Variants in UGT1A8 observed in about 807,000 individuals in gnomAD.
UGT1A8 encodes UDP glucuronosyltransferase family 1 member A8, also known as UDP-glucuronosyltransferase 1A8.
UGT1A8 carries 39 observed loss-of-function variants against 45.3 expected under a neutral mutation model. The observed-to-expected ratio is 0.86, with a 90% CI of 0.67 to 1.12. The LOEUF (loss-of-function observed/expected upper bound fraction) is 1.12. Among genes scored for constraint, UGT1A8 ranks in the 50% most tolerant of loss-of-function variants. The probability of loss-of-function intolerance (pLI) is 0.00; values close to 1 mark genes in which losing one functional copy is unlikely to be tolerated. For synonymous variants in UGT1A8, 275 were observed against 249.2 expected (o/e 1.10, Z -0.97); for missense variants, 719 against 664.9 (o/e 1.08, Z -0.90).
intron 1 of UGT1A8, among the ~76,000 whole-genome samples, chr2:233,623,723 C>T (rs977700652): frequency 6.6e-6 from 1 of 152,044 alleles, no homozygotes; most frequent in Non-Finnish European, 1.5e-5. Context: ...ATGGAGAATT[C>T]AGAAATAAAC....
At chr2:233,712,503 G>T (rs2076237621) in intron 1 of UGT1A8, among the ~76,000 whole-genome samples, 1 of 152,214 alleles carries the variant, frequency 6.6e-6, no homozygotes, top group Non-Finnish European at 1.5e-5. Flanking sequence ...TAGCAATGTT[G>T]TCTGCATTTT....
chr2:233,693,905 C>T, intron 1 of UGT1A8: 1 of 1,613,116 alleles, frequency 6.2e-7, no homozygotes, highest in Non-Finnish European at 8.5e-7. Context: ...TTGTTTCTTC[C>T]AGGCTCTGTC....
chr2:233,751,532 C>A (rs1375355946), intron 1 of UGT1A8, among the ~76,000 whole-genome samples: 5 of 152,214 alleles, frequency 3.3e-5, no homozygotes, highest in Admixed American at 6.5e-5. Context: ...TATGGTTTGA[C>A]TCTGTGTTTC....
rs776721160 is a variant in UGT1A8 at position 233,692,987 on chromosome 2, A to G, written c.856-74047A>G. The G allele has an allele frequency of 2.5e-6, 4 of 1,613,680 alleles. No individual in the cohort carries two copies. The Admixed American group carries it at 6.7e-5, about 27-fold the overall frequency. ...GTGAAAACTCTTTATTACCGTTGTT[A>G]CTTTAACTCTTTCCAGGATGGCCTG... On this transcript the variant is annotated intron_variant, in intron 1 of 4. Coordinates refer to ENST00000373450, the MANE Select transcript of UGT1A8 (RefSeq NM_019076.5).
At chr2:233,647,517 C>T (rs1290722576) in intron 1 of UGT1A8, among the ~76,000 whole-genome samples, 1 of 152,036 alleles carries the variant, frequency 6.6e-6, no homozygotes, top group East Asian at 1.9e-4. Context: ...AGAACTTTAC[C>T]GTTTTGTTTG....
intron 1 of UGT1A8, chr2:233,754,561 A>G (rs1695515427): frequency 2.5e-6 from 1 of 393,304 alleles, no homozygotes; most frequent in Non-Finnish European, 5.1e-6. Context: ...GTCAATGGGG[A>G]GCAACTGCTC....
chr2:233,757,162 G>C (rs1696424537), intron 1 of UGT1A8, among the ~76,000 whole-genome samples: 1 of 151,472 alleles, frequency 6.6e-6, no homozygotes, highest in African/African-American at 2.4e-5. Context: ...GTCTATCCCA[G>C]AGTTTTGAGA....
At chr2:233,725,167 G>A (rs112233788) in intron 1 of UGT1A8, among the ~76,000 whole-genome samples, 4,177 of 75,252 alleles carry the variant, frequency 0.056, 411 homozygotes, top group African/African-American at 0.13. Flanking sequence ...TGCATGAGAG[G>A]GAGACCGTGG....
chr2:233,672,573 C>T lies in UGT1A8; in HGVS notation c.855+54011C>T, dbSNP rs777793940. ...AGAGAGTACGGAACCACATCATGCA[C>T]TTGGAGGAACATTTATTATGCCACC... On this transcript the variant is annotated intron_variant, in intron 1 of 4. Coordinates refer to ENST00000373450, the MANE Select transcript of UGT1A8 (RefSeq NM_019076.5). 5.6e-6 allele frequency: 9 copies of T among 1,613,944 alleles called. No individual in the cohort carries two copies. In the South Asian group the frequency reaches 9.9e-5, roughly 18 times the overall value.
chr2:233,693,154 T>A (rs774068638), intron 1 of UGT1A8: 1 of 1,614,252 alleles, frequency 6.2e-7, no homozygotes, highest in Non-Finnish European at 8.5e-7. Context: ...AGGTTCTCAG[T>A]GACCGGGGTC....
At chr2:233,697,307 A>T (rs116017850) in intron 1 of UGT1A8, among the ~76,000 whole-genome samples, 1,596 of 152,184 alleles carry the variant, frequency 0.01, 34 homozygotes, top group African/African-American at 0.036. Flanking sequence ...CAATCTTGGT[A>T]GATTGTTTGT....
intron 1 of UGT1A8, among the ~76,000 whole-genome samples, chr2:233,676,125 C>A (rs775805824): frequency 3.9e-5 from 6 of 152,174 alleles, no homozygotes; most frequent in South Asian, 2.1e-4. Flanking sequence ...AAGACCCACC[C>A]TGGGGTCCTT....
chr2:233,755,134 ATCT>A (rs1231510836), intron 1 of UGT1A8: 15 of 1,316,668 alleles, frequency 1.1e-5, no homozygotes, highest in Non-Finnish European at 1.5e-5. Flanking sequence ...ACCTGCTTGA[ATCT>A]TCTCACCGCT....
intron 1 of UGT1A8, among the ~76,000 whole-genome samples, chr2:233,676,283 G>C (rs567234824): frequency 6.6e-6 from 1 of 152,136 alleles, no homozygotes; most frequent in Non-Finnish European, 1.5e-5. Flanking sequence ...GCATCCACAG[G>C]GGTCCTGCAA....
intron 1 of UGT1A8, among the ~76,000 whole-genome samples, chr2:233,680,422 T>C (rs2074486233): frequency 1.3e-5 from 2 of 152,154 alleles, no homozygotes; most frequent in South Asian, 4.2e-4. Flanking sequence ...ATTATAGTAG[T>C]GTAGTATGTA....
chr2:233,637,694 G>A lies in UGT1A8; in HGVS notation c.855+19132G>A, dbSNP rs374491920. ...TTTTTTGTTAATTCTATGTGACCCC[G>A]TAGTTGAAATGCTCTTAAGTTTTGT... On this transcript the variant is annotated intron_variant, in intron 1 of 4. Transcript: ENST00000373450. Among the ~76,000 whole-genome samples the A allele has an allele frequency of 5.1e-4, 77 of 152,142 alleles. 1 individual carries two copies. The South Asian group carries it at 0.011, about 22-fold the overall frequency.
intron 4 of UGT1A8, chr2:233,771,316 C>G (rs936355212): frequency 6.6e-6 from 1 of 152,132 alleles, no homozygotes; most frequent in Non-Finnish European, 1.5e-5. Context: ...TTTCCCTCTC[C>G]TCTTCAATCT....
rs867263370 is a variant in UGT1A8, at chr2:233,671,930, C to A, written c.855+53368C>A. 21 of 1,602,274 alleles carry A rather than the reference C, an allele frequency of 1.3e-5. No homozygotes were observed. In the Middle Eastern group the frequency reaches 6.7e-4, roughly 51 times the overall value. Reference sequence around the variant, plus strand: ...CAGCTGCTTGCTCTCAGCTGCAGTTCTCTGATGGCTTGCACAGGGTGGACC... The same window carrying A: ...CAGCTGCTTGCTCTCAGCTGCAGTTATCTGATGGCTTGCACAGGGTGGACC... On this transcript the variant is annotated intron_variant, in intron 1 of 4. Transcript: ENST00000373450.
intron 1 of UGT1A8, chr2:233,719,588 G>C (rs771890679): frequency 1.9e-6 from 3 of 1,614,000 alleles, no homozygotes; most frequent in Non-Finnish European, 2.5e-6. Flanking sequence ...CCGTGTGGCT[G>C]TTCCGAGGGG....
Sources: allele counts gnomAD v4.1 joint callset (sites outside exome capture counted in the v4.1 genomes callset), GRCh38; gene constraint gnomAD v4.1.1; transcripts MANE v1.5; gene names NCBI Gene and HGNC (gene_info 2026-07-23, HGNC 2026-07-21).